PDYN: variants seen among roughly 807,000 people sequenced by gnomAD.
PDYN encodes the protein prodynorphin.
PDYN carries 5 observed loss-of-function variants against 11.4 expected under a neutral mutation model. That is an observed-to-expected ratio of 0.44 (90% CI 0.23 to 0.92). The LOEUF (loss-of-function observed/expected upper bound fraction) is 0.92. Among genes scored for constraint, PDYN ranks in the 40% least tolerant of loss-of-function variants. The pLI is 0.24. For missense variants in PDYN, 337 were observed against 317.3 expected (o/e 1.06, Z -0.47); for synonymous variants, 132 against 129.5 (o/e 1.02, Z -0.13).
chr20:1,988,227 T>C (rs1194206677), intron 2 of PDYN, among the ~76,000 whole-genome samples: 2 of 152,088 alleles, frequency 1.3e-5, no homozygotes, highest in African/African-American at 2.4e-5. Flanking sequence ...AGACTGAGGC[T>C]GAGAAAGGGG....
chr20:1,982,934 A>G (rs373355622), intron 3 of PDYN, 22 bp downstream of exon 3: 7 of 1,612,268 alleles, frequency 4.3e-6, no homozygotes, highest in Non-Finnish European at 5.9e-6. Context: ...CTGGGCATTG[A>G]AGAACCTTGC....
Position 1,980,326 on chromosome 20 carries a change from T to C in PDYN, c.762A>G (p.Ala254=). The C allele has an allele frequency of 6.2e-7, 1 of 1,614,148 alleles. No individual in the cohort carries two copies. Among genetic ancestry groups the C allele is most frequent in the Non-Finnish European group, 8.5e-7 (1 of 1,180,028 alleles). ...TCTACTCCATGAAAAGAGGTGCTTA[T>C]GCATCAAAAAGCTCTCCAGAGTAAG... ...PNAYSGELFD[A] Residue 254 remains alanine (A), a synonymous_variant, in exon 4 of 4, where the codon GCA becomes GCG. Transcript: ENST00000217305.
In PDYN at chr20:1,982,994, C is replaced by T. The variant is rs199834174; in HGVS notation, c.91G>A (p.Val31Ile). The T allele has an allele frequency of 3.7e-6, 6 of 1,614,054 alleles. No individual in the cohort carries two copies. Among genetic ancestry groups the T allele is most frequent in the East Asian group, 4.5e-5 (2 of 44,886 alleles). ...GGTTTGGGACCATCCTGGGTCTTTA[C>T]AGCACACAAGGAGCACCGCGACAGG... ...DCLSRCSLCA[V>I]KTQDGPKPIN... Residue 31 changes from valine to isoleucine, a missense_variant, in exon 3 of 4, where the codon GTA becomes ATA. Val to Ile is a conservative substitution (Grantham distance 29). Coordinates refer to ENST00000217305, the MANE Select transcript of PDYN (RefSeq NM_024411.5).
At chr20:1,990,101 C>T (rs754836442) in intron 2 of PDYN, among the ~76,000 whole-genome samples, 7 of 152,204 alleles carry the variant, frequency 4.6e-5, no homozygotes, top group Non-Finnish European at 1.0e-4. Flanking sequence ...TTGCTGTCCA[C>T]TTTATCTCAA....
chr20:1,992,782 C>T (rs1208286104), intron 1 of PDYN, 139 bp from the exon 2 acceptor site: 1 of 152,234 alleles, frequency 6.6e-6, no homozygotes, highest in Non-Finnish European at 1.5e-5. Context: ...TTCTGCAATG[C>T]TTTGCAATGG....
rs1214201179 is a variant in PDYN at position 1,980,512 on chromosome 20, C to A, written c.576G>T (p.Glu192Asp). 6.2e-7 allele frequency: 1 copy of A among 1,613,162 alleles called. No individual in the cohort carries two copies. The highest frequency in any genetic ancestry group is 8.5e-7 in the Non-Finnish European group (1 of 1,179,302). ...CATGGCCCATGCTATCCCCGTCCCC[C>A]TCCCCAGCCACCTCTGAGCTCCTCT... ...YPKRSSEVAGEGDGDSMGHED... is the reference protein window; with the variant it reads ...YPKRSSEVAGDGDGDSMGHED... Residue 192 changes from glutamate to aspartate, a missense_variant, in exon 4 of 4, where the codon GAG (glutamate) becomes GAT (aspartate). Transcript: ENST00000217305.
chr20:1,984,797 G>A (rs1022388848), intron 2 of PDYN, among the ~76,000 whole-genome samples: 1 of 152,096 alleles, frequency 6.6e-6, no homozygotes, highest in African/African-American at 2.4e-5. Flanking sequence ...TACTCAGGAA[G>A]CTGAGGCAGG....
At chr20:1,981,004 A>C (rs779840202) in intron 3 of PDYN, 46 bp from the exon 4 acceptor site, 70 of 1,607,530 alleles carry the variant, frequency 4.4e-5, no homozygotes, top group Non-Finnish European at 5.7e-5. Context: ...ATCAAAACAC[A>C]TGCACTGGTC....
rs757080225 is a variant in PDYN at position 1,980,552 on chromosome 20, A to G, written c.536T>C (p.Leu179Ser). ...TGAGCTCCTCTTGGGGTATTTGCGCAAAAAGCCCCCATAGCGTTTGACCTG... is the reference window on the plus strand; with the variant it reads ...TGAGCTCCTCTTGGGGTATTTGCGCGAAAAGCCCCCATAGCGTTTGACCTG... ...KEQVKRYGGFLRKYPKRSSEV... is the reference protein window; with the variant it reads ...KEQVKRYGGFSRKYPKRSSEV... Residue 179 changes from leucine to serine, a missense_variant, in exon 4 of 4, where the codon TTG becomes TCG. By Grantham distance (145) the Leu-to-Ser change is moderately radical. Coordinates refer to ENST00000217305, the MANE Select transcript of PDYN (RefSeq NM_024411.5). 4.3e-6 allele frequency: 7 copies of G among 1,613,868 alleles called. No homozygotes were observed. The highest frequency in any genetic ancestry group is 5.9e-6 in the Non-Finnish European group (7 of 1,180,008).
Position 1,980,313 on chromosome 20 carries a change from A to C in PDYN, c.*10T>G, listed in dbSNP as rs1363823036. On this transcript the variant is annotated 3_prime_UTR_variant, in exon 4 of 4. Coordinates refer to ENST00000217305, the MANE Select transcript of PDYN (RefSeq NM_024411.5). ...GGTTTCTCCTGACTCTACTCCATGA[A>C]AAGAGGTGCTTATGCATCAAAAAGC... The C allele has an allele frequency of 6.2e-7, 1 of 1,613,922 alleles. No homozygotes were observed. Among genetic ancestry groups the C allele is most frequent in the Admixed American group, 1.7e-5 (1 of 60,002 alleles).
At chr20:1,986,778 C>A (rs906958886) in intron 2 of PDYN, among the ~76,000 whole-genome samples, 1 of 152,232 alleles carries the variant, frequency 6.6e-6, no homozygotes, top group Non-Finnish European at 1.5e-5. Context: ...TTGACCAAAC[C>A]ACCTGCAATT....
intron 2 of PDYN, among the ~76,000 whole-genome samples, chr20:1,986,166 G>A (rs544228584): frequency 7.2e-5 from 11 of 152,288 alleles, no homozygotes; most frequent in South Asian, 6.2e-4. Context: ...CTACAGCACT[G>A]GTGCTGTTGC....
intron 2 of PDYN, among the ~76,000 whole-genome samples, chr20:1,988,170 C>T (rs1988275182): frequency 6.6e-6 from 1 of 152,080 alleles, no homozygotes; most frequent in African/African-American, 2.4e-5. Flanking sequence ...CTCACAGCAG[C>T]CCCAGAGGTG....
Position 1,980,254 on chromosome 20 carries a change from G to T in PDYN, c.*69C>A. On this transcript the variant is annotated 3_prime_UTR_variant, in exon 4 of 4. Transcript: ENST00000217305. ...GGGGAAGGGGCACATATAAGAGGAT[G>T]AATGAATGCACTCCAACCTGAAAAG... is the stretch of plus-strand genomic sequence containing the variant. 1 of 1,470,362 alleles carries T rather than the reference G, an allele frequency of 6.8e-7. No homozygotes were observed. Among genetic ancestry groups the T allele is most frequent in the Non-Finnish European group, 9.5e-7 (1 of 1,050,404 alleles). The allele number at this position is 1,470,362 out of a possible 1,614,324, so 91.1% of individuals were successfully genotyped here. A position where few individuals can be genotyped will look rare whatever the true frequency, so the allele number is the denominator to read the frequency against.
intron 2 of PDYN, among the ~76,000 whole-genome samples, chr20:1,988,439 T>C (rs569421935): frequency 6.6e-6 from 1 of 152,330 alleles, no homozygotes; most frequent in South Asian, 2.1e-4. Context: ...TCGACCTTTC[T>C]GATGGGGATT....
rs1246779497 is a variant in PDYN, at chr20:1,980,737, T to C, written c.351A>G (p.Thr117=). The C allele has an allele frequency of 1.9e-6, 3 of 1,614,032 alleles. No individual in the cohort carries two copies. Among genetic ancestry groups the C allele is most frequent in the East Asian group, 4.5e-5 (2 of 44,892 alleles). ...GGCTCTTGCTCAGAGTGTTCTCCTT[T>C]GTTGAGATACTTGGGAGAAACTTGC... is the stretch of plus-strand genomic sequence containing the variant. The part of the protein sequence containing the change: ...EKSKFLPSIS[T]KENTLSKSLE... The change falls in exon 4 of 4, where the codon ACA becomes ACG. Residue 117 remains threonine, a synonymous_variant. Coordinates refer to ENST00000217305, the MANE Select transcript of PDYN (RefSeq NM_024411.5).
intron 1 of PDYN, chr20:1,993,659 AG>A (rs1988548701): frequency 6.6e-6 from 1 of 152,246 alleles, no homozygotes; most frequent in Admixed American, 6.5e-5. Flanking sequence ...CTAAAGCCAA[AG>A]GGTGGTCCTC....
At chr20:1,986,746 G>A (rs1252224465) in intron 2 of PDYN, among the ~76,000 whole-genome samples, 1 of 152,238 alleles carries the variant, frequency 6.6e-6, no homozygotes, top group Non-Finnish European at 1.5e-5. Context: ...CAGATTGGAT[G>A]TGAGTTCTGC....
chr20:1,990,312 C>T (rs994556086), intron 2 of PDYN, among the ~76,000 whole-genome samples: 22 of 152,178 alleles, frequency 1.4e-4, no homozygotes, highest in African/African-American at 4.8e-4. Flanking sequence ...GAGTGTCTTT[C>T]GGATAACCTC....
Sources: gnomAD v4.1 joint callset for allele counts (sites outside exome capture counted in the v4.1 genomes callset) on GRCh38, gnomAD v4.1.1 for gene constraint, MANE v1.5 for transcripts, NCBI Gene and HGNC (gene_info 2026-07-23, HGNC 2026-07-21) for gene names.